The following PTPRN2 variants were observed in gnomAD, a reference collection of about 807,000 sequenced individuals.
PTPRN2 encodes receptor-type tyrosine-protein phosphatase N2.
A neutral mutation model predicts 118.8 loss-of-function variants in PTPRN2; 74 were observed. The ratio of observed to expected loss-of-function variants is 0.62; its 90% CI spans 0.52 to 0.76. PTPRN2 has a LOEUF of 0.76. PTPRN2 is among the 30% of genes least tolerant of loss of function. PTPRN2 has a pLI of 0.00. For synonymous variants in PTPRN2, 641 were observed against 608.0 expected, an observed-to-expected ratio of 1.05 and a Z score of -0.80; for missense variants, 1,481 against 1,394.4, an observed-to-expected ratio of 1.06 and a Z score of -0.99.
intron 12 of PTPRN2, among the ~76,000 whole-genome samples, chr7:157,814,438 C>T (rs982917641): frequency 2.0e-5 from 3 of 147,496 alleles, no homozygotes; most frequent in Non-Finnish European, 3.0e-5. Context: ...TGGGGCAGGA[C>T]GGGAGCAGGA....
intron 13 of PTPRN2, chr7:157,669,514 A>C (rs1164656477): frequency 2.1e-6 from 1 of 485,786 alleles, no homozygotes; most frequent in Non-Finnish European, 4.1e-6. Flanking sequence ...CCCGCTCCTG[A>C]CACACGACGA....
chr7:158,160,133 A>G (rs991463008), intron 6 of PTPRN2, among the ~76,000 whole-genome samples: 3 of 152,218 alleles, frequency 2.0e-5, no homozygotes. Flanking sequence ...CAAGTTGACA[A>G]GGGGTGAAAC....
intron 3 of PTPRN2, among the ~76,000 whole-genome samples, chr7:158,284,514 G>A (rs963164265): frequency 3.9e-5 from 6 of 152,192 alleles, no homozygotes; most frequent in Non-Finnish European, 7.3e-5. Context: ...CTGGTAATAG[G>A]AAGAGTGAGA....
At chr7:157,937,796 C>A (rs533281730) in intron 11 of PTPRN2, among the ~76,000 whole-genome samples, 4 of 152,372 alleles carry the variant, frequency 2.6e-5, no homozygotes, top group African/African-American at 9.6e-5. Flanking sequence ...TCTGTCTGAA[C>A]AGTCCTGCGT....
chr7:158,110,894 T>C lies in PTPRN2; in HGVS notation c.1578A>G (p.Gly526=). 1 of 1,576,776 alleles carries C rather than the reference T, an allele frequency of 6.3e-7. No homozygotes were observed. Among genetic ancestry groups the C allele is most frequent in the Non-Finnish European group, 8.6e-7 (1 of 1,161,746 alleles). The change falls in exon 10 of 23, where the codon GGA becomes GGG. Residue 526 remains glycine (G), a synonymous_variant. Transcript: ENST00000389418. ...TDRDPLRPEE[G]RRLVEDVARL... ...GGGCGACGTCCTCCACCAGCCGCCT[T>C]CCTTCCTCGGGGCGCAGGGGGCTGC...
chr7:157,903,047 C>G lies in PTPRN2; in HGVS notation c.1724-4310G>C, dbSNP rs1797558636. On this transcript the variant is annotated intron_variant, in intron 11 of 22. Transcript: ENST00000389418. The surrounding 1 kb of genome is among the most constrained non-coding windows in gnomAD (Gnocchi z 4.2). Reference sequence around the variant, plus strand: ...CACAATTTGGGGCCACCATCCTAAGCAAATTAACGCAAAAGCAGAAAGCCA... The same window carrying G: ...CACAATTTGGGGCCACCATCCTAAGGAAATTAACGCAAAAGCAGAAAGCCA... Among the ~76,000 whole-genome samples, 1 of 152,128 alleles carries G rather than the reference C, an allele frequency of 6.6e-6. No homozygotes were observed. Among genetic ancestry groups the G allele is most frequent in the South Asian group, 2.1e-4 (1 of 4,814 alleles).
chr7:158,039,602 C>G (rs1427101356), intron 11 of PTPRN2, among the ~76,000 whole-genome samples: 1 of 152,208 alleles, frequency 6.6e-6, no homozygotes, highest in Admixed American at 6.5e-5. Flanking sequence ...TAGCCTCTGA[C>G]AATTACAGCT....
chr7:157,900,156 C>G (rs1797359240), intron 11 of PTPRN2, among the ~76,000 whole-genome samples: 1 of 152,188 alleles, frequency 6.6e-6, no homozygotes, highest in Non-Finnish European at 1.5e-5. Context: ...TGAGAAAAAT[C>G]CAATCTGCCG....
chr7:158,263,840 A>G (rs919832527), intron 3 of PTPRN2, among the ~76,000 whole-genome samples: 1 of 152,194 alleles, frequency 6.6e-6, no homozygotes, highest in African/African-American at 2.4e-5. Flanking sequence ...AAAATGTGAA[A>G]GCAAGGCTGC....
chr7:157,836,092 A>G (rs185208208), intron 12 of PTPRN2, among the ~76,000 whole-genome samples: 1 of 152,364 alleles, frequency 6.6e-6, no homozygotes, highest in East Asian at 1.9e-4. Context: ...TCATGAAGAG[A>G]TTATCCCAGG....
chr7:158,005,770 C>T (rs1331639467), intron 11 of PTPRN2, among the ~76,000 whole-genome samples: 1 of 152,160 alleles, frequency 6.6e-6, no homozygotes. Context: ...ACCGTGGTTT[C>T]CCACAGCAAT....
intron 3 of PTPRN2, among the ~76,000 whole-genome samples, chr7:158,229,078 C>A (rs572930469): frequency 2.0e-5 from 3 of 152,154 alleles, no homozygotes; most frequent in South Asian, 2.1e-4. Context: ...CCCTTTGAGA[C>A]CTCTCCCATT....
rs1366098764 is a variant in PTPRN2, at chr7:158,525,725, G to C, written c.113-35940C>G. On this transcript the variant is annotated intron_variant, in intron 1 of 22. Transcript: ENST00000389418. The surrounding 1 kb of genome is among the most constrained non-coding windows in gnomAD (Gnocchi z 4.1). ...CCTCCTCATTCCCAAGCAGCCCTCG[G>C]GGGCAGATGCCCCCATCTCCCAGGA... 6.6e-6 allele frequency among the ~76,000 whole-genome samples: 1 copy of C among 152,128 alleles called. No individual in the cohort carries two copies. Among genetic ancestry groups the C allele is most frequent in the Non-Finnish European group, 1.5e-5 (1 of 68,026 alleles).
chr7:158,576,000 G>A (rs1373929924), intron 1 of PTPRN2, among the ~76,000 whole-genome samples: 1 of 152,010 alleles, frequency 6.6e-6, no homozygotes, highest in Non-Finnish European at 1.5e-5. Flanking sequence ...CTTCCTTCTT[G>A]TTAAGCTCAC....
chr7:157,775,072 T>C (rs1803112940), intron 12 of PTPRN2, among the ~76,000 whole-genome samples: 1 of 152,168 alleles, frequency 6.6e-6, no homozygotes, highest in Non-Finnish European at 1.5e-5. Context: ...AACGTCCACA[T>C]GCCAGGGAGT....
chr7:158,337,813 T>TGC (rs1484049442), intron 2 of PTPRN2, among the ~76,000 whole-genome samples: 17 of 1,536 alleles, frequency 0.011, 2 homozygotes, highest in East Asian at 0.048. Flanking sequence ...GTGACGCCCA[T>TGC]AGACGTCACT....
chr7:158,445,330 T>C (rs181261648), intron 2 of PTPRN2, among the ~76,000 whole-genome samples: 22 of 152,250 alleles, frequency 1.4e-4, no homozygotes, highest in East Asian at 7.7e-4. Context: ...GCCCTGACTG[T>C]CCTCACCCTG....
chr7:157,997,450 C>T (rs892958467), intron 11 of PTPRN2, among the ~76,000 whole-genome samples: 1 of 152,246 alleles, frequency 6.6e-6, no homozygotes, highest in African/African-American at 2.4e-5. Context: ...CGCCTGGAGC[C>T]CAGGTTCCTC....
At chr7:157,669,312 C>T (rs527733256) in intron 13 of PTPRN2, among the ~76,000 whole-genome samples, 3 of 152,374 alleles carry the variant, frequency 2.0e-5, no homozygotes, top group South Asian at 2.1e-4. Context: ...TCATGGCCCA[C>T]GTGGCCAACG....
Sources: allele counts gnomAD v4.1 joint callset (sites outside exome capture counted in the v4.1 genomes callset), GRCh38; gene constraint gnomAD v4.1.1; non-coding constraint Gnocchi (gnomAD v3.1); transcripts MANE v1.5; gene names NCBI Gene and HGNC (gene_info 2026-07-23, HGNC 2026-07-21).